Variants in CACNA2D2 observed in about 807,000 individuals in gnomAD.
CACNA2D2 encodes calcium voltage-gated channel auxiliary subunit alpha2delta 2.
CACNA2D2 carries 48 observed loss-of-function variants against 166.4 expected under a neutral mutation model. The observed-to-expected ratio is 0.29, with a 90% CI of 0.23 to 0.37. CACNA2D2 has a LOEUF of 0.37. Ranked by LOEUF, CACNA2D2 falls within the 10% of genes least tolerant of loss-of-function variation. CACNA2D2 has a pLI of 1.00. For synonymous variants in CACNA2D2, 561 were observed against 573.7 expected (o/e 0.98, Z 0.32); for missense variants, 1,122 against 1,433.0 (o/e 0.78, Z 3.50).
At chr3:50,476,281 G>A (rs1697762480) in intron 1 of CACNA2D2, 82 bp from the exon 2 acceptor site, 2 of 1,104,744 alleles carry the variant, frequency 1.8e-6, no homozygotes, top group South Asian at 1.3e-5. Context: ...CGGGGGCACT[G>A]GGGGCAACTA....
At chr3:50,498,998 C>T (rs1698844420) in intron 1 of CACNA2D2, among the ~76,000 whole-genome samples, 1 of 152,218 alleles carries the variant, frequency 6.6e-6, no homozygotes, top group Non-Finnish European at 1.5e-5. Flanking sequence ...GGTCAAGGCA[C>T]TAATGTGGGT....
Position 50,365,248 on chromosome 3 carries a change from G to A in CACNA2D2, c.3099-64C>T, listed in dbSNP as rs1445095892. 4.5e-6 allele frequency: 5 copies of A among 1,114,002 alleles called. No homozygotes were observed. Among genetic ancestry groups the A allele is most frequent in the Non-Finnish European group, 6.1e-6 (5 of 817,480 alleles). The allele number at this position is 1,114,002 out of a possible 1,614,324, so 69.0% of individuals were successfully genotyped here. ...CCGCCCTGACCCACCCCCATCCTGCGGCCCCGCCCCCGGCCGCTCGGAGGC... is the reference window on the plus strand; with the variant it reads ...CCGCCCTGACCCACCCCCATCCTGCAGCCCCGCCCCCGGCCGCTCGGAGGC... On this transcript the variant is annotated intron_variant, in intron 35 of 37. Coordinates refer to ENST00000424201, the MANE Select transcript of CACNA2D2 (RefSeq NM_006030.4). This position sits in a 1 kb window ranked among gnomAD's most constrained non-coding sequence, Gnocchi z 4.5.
At chr3:50,369,693 G>A (rs1476074374) in intron 23 of CACNA2D2, among the ~76,000 whole-genome samples, 1 of 152,252 alleles carries the variant, frequency 6.6e-6, no homozygotes, top group Non-Finnish European at 1.5e-5. Context: ...GCCAAAGGCA[G>A]ACGGTGTGTA....
At chr3:50,418,636 G>A (rs1226966640) in intron 3 of CACNA2D2, among the ~76,000 whole-genome samples, 2 of 152,224 alleles carry the variant, frequency 1.3e-5, no homozygotes, top group Admixed American at 1.3e-4. Flanking sequence ...CAGTGTGCAG[G>A]GATCTTTGTT....
rs962115564 is a variant in CACNA2D2 at position 50,364,321 on chromosome 3, C to G, written c.*345G>C. On this transcript the variant is annotated 3_prime_UTR_variant, in exon 38 of 38. Coordinates refer to ENST00000424201, the MANE Select transcript of CACNA2D2 (RefSeq NM_006030.4). Reference sequence around the variant, plus strand: ...CGGGTCAGCTGAGGCAGGGTCCCCCCCAACATAGGCAGCCTCCAGGAAGGG... The same window carrying G: ...CGGGTCAGCTGAGGCAGGGTCCCCCGCAACATAGGCAGCCTCCAGGAAGGG... 3.0e-5 allele frequency: 9 copies of G among 302,714 alleles called. No individual in the cohort carries two copies. The highest frequency in any genetic ancestry group is 1.2e-4 in the East Asian group (2 of 17,164). The allele number at this position is 302,714 out of a possible 1,614,324, so 18.8% of individuals were successfully genotyped here.
chr3:50,428,679 C>T (rs1707916338), intron 3 of CACNA2D2, among the ~76,000 whole-genome samples: 1 of 152,186 alleles, frequency 6.6e-6, no homozygotes. Context: ...ATCTGAGCCT[C>T]ATGGGGGTGT....
intron 2 of CACNA2D2, among the ~76,000 whole-genome samples, chr3:50,437,731 G>T (rs1575685805): frequency 6.6e-6 from 1 of 152,132 alleles, no homozygotes; most frequent in East Asian, 1.9e-4. Flanking sequence ...GCCCAGGAGA[G>T]CCCAGGGCAA....
In CACNA2D2 at chr3:50,379,952, A is replaced by G; in HGVS notation, c.893+16T>C. 8 of 1,614,000 alleles carry G rather than the reference A, an allele frequency of 5.0e-6. No individual in the cohort carries two copies. The highest frequency in any genetic ancestry group is 6.8e-6 in the Non-Finnish European group (8 of 1,180,020). On this transcript the variant is annotated intron_variant, in intron 9 of 37. Transcript: ENST00000424201. The surrounding 1 kb of genome is among the most constrained non-coding windows in gnomAD (Gnocchi z 6.5). The stretch of plus-strand genomic sequence containing the variant: ...CGTCCCTGCCCCAGCCCCACTTGCC[A>G]GCACTGCTCACTCACACATCCACGA...
chr3:50,420,359 G>C (rs1313198719), intron 3 of CACNA2D2, among the ~76,000 whole-genome samples: 1 of 152,220 alleles, frequency 6.6e-6, no homozygotes, highest in Non-Finnish European at 1.5e-5. Context: ...GGCCTCAGCA[G>C]CCTCTGGTTT....
intron 2 of CACNA2D2, among the ~76,000 whole-genome samples, chr3:50,462,839 A>G (rs73835503): frequency 0.096 from 14,571 of 151,760 alleles, 2,053 homozygotes; most frequent in African/African-American, 0.31. Context: ...CCTGTGTAAC[A>G]CTGATTTGAA....
chr3:50,413,849 A>AAAATAAAT (rs59688623), intron 3 of CACNA2D2, among the ~76,000 whole-genome samples: 1 of 151,276 alleles, frequency 6.6e-6, no homozygotes, highest in East Asian at 2.0e-4. Context: ...TCCGTCTCAA[A>AAAATAAAT]AAATAAATAA....
intron 22 of CACNA2D2, 96 bp downstream of exon 22, chr3:50,374,641 C>T: frequency 7.1e-7 from 1 of 1,416,780 alleles, no homozygotes; most frequent in Non-Finnish European, 9.7e-7. Flanking sequence ...GAGGGACTGC[C>T]TCGCCGGCAA....
At chr3:50,417,409 T>G (rs1350555628) in intron 3 of CACNA2D2, among the ~76,000 whole-genome samples, 3 of 152,212 alleles carry the variant, frequency 2.0e-5, no homozygotes, top group Admixed American at 1.3e-4. Context: ...GCTTGTGAAC[T>G]CTAAAGGGCA....
chr3:50,370,462 A>T, intron 22 of CACNA2D2, 82 bp from the exon 23 acceptor site: 1 of 326,744 alleles, frequency 3.1e-6, no homozygotes, highest in East Asian at 1.0e-4. Context: ...GGCTGGAAGG[A>T]CAGGGGAGAG....
rs866508099 is a variant in CACNA2D2 at position 50,464,834 on chromosome 3, C to T, written c.288+11284G>A. Among the ~76,000 whole-genome samples, 12 of 152,308 alleles carry T rather than the reference C, an allele frequency of 7.9e-5. No homozygotes were observed. The South Asian group carries it at 2.3e-3, about 29-fold the overall frequency. On this transcript the variant is annotated intron_variant, in intron 2 of 37. Transcript: ENST00000424201. ...TTAGTGGCTCCTCGAAGGGAAAATA[C>T]CTGCTCCCACACCACTGCCTCCTCC...
At chr3:50,436,781 C>T (rs1355733971) in intron 2 of CACNA2D2, among the ~76,000 whole-genome samples, 1 of 152,226 alleles carries the variant, frequency 6.6e-6, no homozygotes, top group African/African-American at 2.4e-5. Flanking sequence ...TTGGGGCTGT[C>T]CAAAGCCATC....
intron 2 of CACNA2D2, among the ~76,000 whole-genome samples, chr3:50,453,686 C>G (rs1170540557): frequency 6.6e-6 from 1 of 152,232 alleles, no homozygotes; most frequent in Non-Finnish European, 1.5e-5. Flanking sequence ...GACCACCATC[C>G]TCACGACTTC....
chr3:50,430,993 C>A (rs948718883), intron 3 of CACNA2D2, among the ~76,000 whole-genome samples: 1 of 152,154 alleles, frequency 6.6e-6, no homozygotes, highest in African/African-American at 2.4e-5. Context: ...TGGAGAAACT[C>A]GTTACAAACA....
At chr3:50,453,355 C>T (rs182759371) in intron 2 of CACNA2D2, among the ~76,000 whole-genome samples, 60 of 152,346 alleles carry the variant, frequency 3.9e-4, no homozygotes, top group East Asian at 1.9e-3. Flanking sequence ...TTGGTCCCTG[C>T]GCATCCAAAT....
Sources: gnomAD v4.1 joint callset for allele counts (sites outside exome capture counted in the v4.1 genomes callset) on GRCh38, gnomAD v4.1.1 for gene constraint, Gnocchi (gnomAD v3.1) non-coding constraint, MANE v1.5 for transcripts, NCBI Gene and HGNC (gene_info 2026-07-23, HGNC 2026-07-21) for gene names.